Variants in RBFOX1 observed in about 807,000 individuals in gnomAD.
RBFOX1 encodes the protein RNA binding protein fox-1 homolog 1.
Under a neutral mutation model 57.7 loss-of-function variants are expected in RBFOX1, and 8 were observed. The observed-to-expected ratio is 0.14, with a 90% CI of 0.08 to 0.25. RBFOX1 has a LOEUF of 0.25. Among genes scored for constraint, RBFOX1 ranks in the 10% least tolerant of loss-of-function variants. The pLI is 1.00. For missense variants in RBFOX1, 611 were observed against 548.5 expected (o/e 1.11, Z -1.14); for synonymous variants, 326 against 222.4 (o/e 1.47, Z -4.15).
chr16:7,376,182 C>T (rs377049164), intron 4 of RBFOX1, among the ~76,000 whole-genome samples: 3 of 152,094 alleles, frequency 2.0e-5, no homozygotes, highest in African/African-American at 7.2e-5. Flanking sequence ...TGTTTATGAG[C>T]TATGTCAATA....
rs566397941 is a variant in RBFOX1 at position 6,063,581 on chromosome 16, C to A, written c.-127+43589C>A. On this transcript the variant is annotated intron_variant, in intron 1 of 15. Transcript: ENST00000550418. ...TTAACACCCACCACCAAAACTACAT[C>A]CTGGGTCCTCTCCACACTGCAGCTC... 7.9e-5 allele frequency among the ~76,000 whole-genome samples: 12 copies of A among 152,036 alleles called. No individual in the cohort carries two copies. In the South Asian group the frequency reaches 2.5e-3, roughly 32 times the overall value.
At chr16:6,386,895 T>C (rs966509008) in intron 2 of RBFOX1, among the ~76,000 whole-genome samples, 3 of 152,118 alleles carry the variant, frequency 2.0e-5, no homozygotes, top group African/African-American at 7.2e-5. Context: ...TGGAAAGATA[T>C]TGGATTGTTT....
intron 3 of RBFOX1, among the ~76,000 whole-genome samples, chr16:6,932,108 C>T (rs2076658414): frequency 6.6e-6 from 1 of 151,906 alleles, no homozygotes. Context: ...TTTTTTGTTG[C>T]TGTTTTTGTT....
intron 3 of RBFOX1, among the ~76,000 whole-genome samples, chr16:6,752,117 C>G (rs889328983): frequency 2.6e-5 from 4 of 152,104 alleles, no homozygotes; most frequent in African/African-American, 9.7e-5. Context: ...CCTGCATGTA[C>G]CATAAAAACG....
intron 14 of RBFOX1, among the ~76,000 whole-genome samples, chr16:7,698,067 A>G (rs979025810): frequency 4.6e-5 from 7 of 152,094 alleles, no homozygotes; most frequent in Admixed American, 6.5e-5. Context: ...GTTCTAGGTT[A>G]ATTCACCAGA....
At chr16:5,996,325 C>T (rs1008914546) in intron 4 of RBFOX1, among the ~76,000 whole-genome samples, 1 of 152,180 alleles carries the variant, frequency 6.6e-6, no homozygotes, top group Non-Finnish European at 1.5e-5. Context: ...AGGCATGCCT[C>T]TGATTTGAAA....
intron 2 of RBFOX1, among the ~76,000 whole-genome samples, chr16:6,424,209 A>G (rs1436894200): frequency 6.6e-6 from 1 of 152,238 alleles, no homozygotes; most frequent in Non-Finnish European, 1.5e-5. Flanking sequence ...ACTGCACTGC[A>G]GCCTGGGTGA....
intron 4 of RBFOX1, chr16:7,304,506 CGGT>C (rs1476800848): frequency 8.1e-6 from 8 of 985,162 alleles, no homozygotes; most frequent in Admixed American, 6.1e-5. Context: ...CGTCTGCCCT[CGGT>C]GGCTGCTTTC....
chr16:6,352,441 T>C (rs1349900674), intron 2 of RBFOX1, among the ~76,000 whole-genome samples: 1 of 152,196 alleles, frequency 6.6e-6, no homozygotes, highest in Non-Finnish European at 1.5e-5. Flanking sequence ...ATTATGACCA[T>C]CAATGATCAA....
intron 1 of RBFOX1, among the ~76,000 whole-genome samples, chr16:5,348,486 G>A (rs1488538604): frequency 6.6e-6 from 1 of 152,202 alleles, no homozygotes; most frequent in East Asian, 1.9e-4. Flanking sequence ...TGAGGAAACA[G>A]GCATGGAGAG....
chr16:6,931,340 TACACAC>T (rs1555640313), intron 3 of RBFOX1, among the ~76,000 whole-genome samples: 5 of 106,938 alleles, frequency 4.7e-5, no homozygotes, highest in African/African-American at 6.6e-5. Flanking sequence ...TATCTATCTC[TACACAC>T]ACACACACAC....
chr16:6,176,313 AT>A (rs34667158), intron 1 of RBFOX1, among the ~76,000 whole-genome samples: 1,555 of 95,228 alleles, frequency 0.016, 11 homozygotes, highest in Admixed American at 0.029. Flanking sequence ...GCCTGACCAA[AT>A]TTTTTTTTTT....
intron 3 of RBFOX1, among the ~76,000 whole-genome samples, chr16:6,992,755 C>G (rs894806927): frequency 2.7e-5 from 4 of 149,024 alleles, no homozygotes; most frequent in African/African-American, 9.9e-5. Context: ...ATGATCTACC[C>G]AAGGTCACTT....
At position 6,097,863 on chromosome 16, in the gene RBFOX1, C is replaced by G. The variant is rs1375330240; in HGVS notation, c.-127+77871C>G. On this transcript the variant is annotated intron_variant, in intron 1 of 15. Transcript: ENST00000550418. The surrounding 1 kb of genome is among the most constrained non-coding windows in gnomAD (Gnocchi z 5.0). The stretch of plus-strand genomic sequence containing the variant: ...AGTCCCTTGGAAGTGGGGGACGTGT[C>G]TGATTTGTGCATGGCTATTTTGCGA... 6.6e-6 allele frequency among the ~76,000 whole-genome samples: 1 copy of G among 151,656 alleles called. No individual in the cohort carries two copies. The highest frequency in any genetic ancestry group is 1.5e-5 in the Non-Finnish European group (1 of 67,992).
intron 2 of RBFOX1, among the ~76,000 whole-genome samples, chr16:6,573,614 T>G (rs914799146): frequency 6.6e-6 from 1 of 152,152 alleles, no homozygotes; most frequent in Non-Finnish European, 1.5e-5. Context: ...TTTGGAGAGG[T>G]AGAAAAACTC....
At chr16:6,277,394 C>A (rs1301099291) in intron 1 of RBFOX1, among the ~76,000 whole-genome samples, 1 of 137,836 alleles carries the variant, frequency 7.3e-6, no homozygotes, top group African/African-American at 2.8e-5. Flanking sequence ...GAGGCTGAGG[C>A]AGCATTGAAC....
intron 10 of RBFOX1, chr16:7,614,748 G>A (rs1352823689): frequency 6.6e-6 from 1 of 152,140 alleles, no homozygotes; most frequent in Non-Finnish European, 1.5e-5. Context: ...ACAACAGCAA[G>A]CCACTTGCAG....
intron 3 of RBFOX1, among the ~76,000 whole-genome samples, chr16:7,008,405 G>A (rs1184461051): frequency 6.6e-6 from 1 of 151,890 alleles, no homozygotes; most frequent in African/African-American, 2.4e-5. Flanking sequence ...AGCCAGGCAT[G>A]GTGGCGCATC....
intron 2 of RBFOX1, among the ~76,000 whole-genome samples, chr16:5,533,977 C>T (rs984423552): frequency 6.6e-6 from 1 of 152,136 alleles, no homozygotes; most frequent in Non-Finnish European, 1.5e-5. Flanking sequence ...CCCACACATT[C>T]GGAGGCTATG....
Sources: gnomAD v4.1 joint callset for allele counts (sites outside exome capture counted in the v4.1 genomes callset) on GRCh38, gnomAD v4.1.1 for gene constraint, Gnocchi (gnomAD v3.1) non-coding constraint, MANE v1.5 for transcripts, NCBI Gene and HGNC (gene_info 2026-07-23, HGNC 2026-07-21) for gene names.